Variants in ASIC2 observed in about 807,000 individuals in gnomAD.
ASIC2 encodes the protein acid sensing ion channel subunit 2, also known as acid-sensing ion channel 2.
A neutral mutation model predicts 57.3 loss-of-function variants in ASIC2; 25 were observed. The observed-to-expected ratio is 0.44, with a 90% CI of 0.32 to 0.61. ASIC2 has a LOEUF of 0.61. ASIC2 is among the 20% of genes least tolerant of loss of function. ASIC2 has a pLI of 0.06. For missense variants in ASIC2, 641 were observed against 738.1 expected, an observed-to-expected ratio of 0.87 and a Z score of 1.52; for synonymous variants, 319 against 307.5, an observed-to-expected ratio of 1.04 and a Z score of -0.39.
chr17:33,124,733 G>T (rs892228205), intron 1 of ASIC2, among the ~76,000 whole-genome samples: 2 of 152,156 alleles, frequency 1.3e-5, no homozygotes, highest in African/African-American at 4.8e-5. Context: ...GATGATTCAA[G>T]CACATGACAT....
rs576454651 is a variant in ASIC2, at chr17:33,095,846, G to A, written c.860-6856C>T. ...TTTAATCATGTGGCTTAATCCCTGG[G>A]GACCTGTTCATTAAGGCCCATCCTT... On this transcript the variant is annotated intron_variant, in intron 2 of 9. Coordinates refer to ENST00000225823, the MANE Select transcript of ASIC2 (RefSeq NM_183377.2). Among the ~76,000 whole-genome samples the A allele has an allele frequency of 5.8e-4, 88 of 152,348 alleles. 1 individual carries two copies. The East Asian group carries it at 0.016, about 28-fold the overall frequency.
intron 1 of ASIC2, among the ~76,000 whole-genome samples, chr17:33,769,353 G>A (rs1207667347): frequency 6.6e-6 from 1 of 152,188 alleles, no homozygotes; most frequent in Non-Finnish European, 1.5e-5. Flanking sequence ...TGTCAGCAGA[G>A]CAGCCAACTA....
At chr17:33,469,668 C>T (rs544276314) in intron 1 of ASIC2, among the ~76,000 whole-genome samples, 5 of 152,234 alleles carry the variant, frequency 3.3e-5, no homozygotes, top group African/African-American at 9.6e-5. Flanking sequence ...AACAAGAGCT[C>T]CTGGAATGAC....
intron 1 of ASIC2, among the ~76,000 whole-genome samples, chr17:33,444,741 TG>T (rs1377024827): frequency 3.3e-5 from 5 of 152,148 alleles, no homozygotes; most frequent in African/African-American, 1.2e-4. Context: ...TGTCAGCCTC[TG>T]GAAGAGAGCT....
At chr17:33,291,213 C>T (rs1905422640) in intron 1 of ASIC2, 195 bp downstream of exon 1, 1 of 1,259,902 alleles carries the variant, frequency 7.9e-7, no homozygotes. Context: ...GGCGACTCCT[C>T]CTACAGTTAA....
chr17:33,325,204 G>A (rs1199994268), intron 1 of ASIC2, among the ~76,000 whole-genome samples: 3 of 152,220 alleles, frequency 2.0e-5, no homozygotes, highest in Admixed American at 1.3e-4. Flanking sequence ...CAGACAATAA[G>A]CAGATATTCA....
At chr17:34,110,380 T>C (rs1239319070) in intron 1 of ASIC2, among the ~76,000 whole-genome samples, 2 of 152,160 alleles carry the variant, frequency 1.3e-5, no homozygotes, top group Non-Finnish European at 2.9e-5. Flanking sequence ...CTGCCTTCTG[T>C]GACTGCCCTA....
At chr17:33,524,878 C>T (rs1914842590) in intron 1 of ASIC2, among the ~76,000 whole-genome samples, 3 of 152,074 alleles carry the variant, frequency 2.0e-5, no homozygotes, top group Admixed American at 6.5e-5. Context: ...GGGCTTCCTC[C>T]CAGATGTATT....
At chr17:33,111,407 T>C (rs537599448) in intron 2 of ASIC2, among the ~76,000 whole-genome samples, 1 of 152,356 alleles carries the variant, frequency 6.6e-6, no homozygotes, top group African/African-American at 2.4e-5. Context: ...TCTATACACA[T>C]GGGTCTCCCA....
intron 1 of ASIC2, among the ~76,000 whole-genome samples, chr17:33,510,428 G>A (rs1479431477): frequency 6.6e-6 from 1 of 152,104 alleles, no homozygotes; most frequent in African/African-American, 2.4e-5. Flanking sequence ...AAGGGTGGGA[G>A]GATGGCTTGA....
intron 1 of ASIC2, among the ~76,000 whole-genome samples, chr17:33,805,360 G>T (rs1912240207): frequency 6.6e-6 from 1 of 152,154 alleles, no homozygotes; most frequent in African/African-American, 2.4e-5. Context: ...AGAAGGGGGA[G>T]TTTGGTCAAT....
At chr17:33,059,153 TTA>T (rs747861130) in intron 3 of ASIC2, among the ~76,000 whole-genome samples, 1 of 151,482 alleles carries the variant, frequency 6.6e-6, no homozygotes, top group Non-Finnish European at 1.5e-5. Context: ...CAGGATGTCT[TTA>T]TATATATATA....
intron 1 of ASIC2, among the ~76,000 whole-genome samples, chr17:33,171,219 C>A (rs1905509297): frequency 6.6e-6 from 1 of 152,210 alleles, no homozygotes; most frequent in African/African-American, 2.4e-5. Flanking sequence ...TTAATATTTT[C>A]TTCTACCCAG....
intron 1 of ASIC2, among the ~76,000 whole-genome samples, chr17:33,219,326 C>A (rs143278317): frequency 6.6e-6 from 1 of 152,334 alleles, no homozygotes; most frequent in East Asian, 1.9e-4. Context: ...CACATTACTT[C>A]ATATCTTACT....
Position 33,413,427 on chromosome 17 carries a change from C to G in ASIC2, c.556-301360G>C, listed in dbSNP as rs1291835191. 2.0e-5 allele frequency among the ~76,000 whole-genome samples: 3 copies of G among 152,190 alleles called. No homozygotes were observed. In the East Asian group the frequency reaches 5.8e-4, roughly 29 times the overall value. ...GGTCCGATTGCAGCCTGAATACAGT[C>G]AATTTTACCTCCTAACTATCTCTCC... On this transcript the variant is annotated intron_variant, in intron 1 of 9. Transcript: ENST00000359872.
chr17:33,760,248 T>C (rs1910740886), intron 1 of ASIC2, among the ~76,000 whole-genome samples: 1 of 152,170 alleles, frequency 6.6e-6, no homozygotes, highest in South Asian at 2.1e-4. Context: ...TTAGCGATTC[T>C]GCTGGAATGA....
chr17:33,646,319 G>T (rs976760503), intron 1 of ASIC2, among the ~76,000 whole-genome samples: 2 of 152,214 alleles, frequency 1.3e-5, no homozygotes, highest in Non-Finnish European at 2.9e-5. Context: ...ATAAGGAAAA[G>T]ATTGCATTGT....
intron 1 of ASIC2, among the ~76,000 whole-genome samples, chr17:33,456,495 T>C (rs1912457919): frequency 6.6e-6 from 1 of 152,248 alleles, no homozygotes; most frequent in Admixed American, 6.5e-5. Context: ...AATTCAAGGC[T>C]GCACCAGCTA....
intron 1 of ASIC2, among the ~76,000 whole-genome samples, chr17:34,100,183 TG>T (rs1567822059): frequency 1.1e-4 from 5 of 44,058 alleles, no homozygotes; most frequent in African/African-American, 3.2e-4. Context: ...CTCTCTTTCT[TG>T]TTTTTTTTTT....
Sources: gnomAD v4.1 joint callset for allele counts (sites outside exome capture counted in the v4.1 genomes callset) on GRCh38, gnomAD v4.1.1 for gene constraint, MANE v1.5 for transcripts, NCBI Gene and HGNC (gene_info 2026-07-23, HGNC 2026-07-21) for gene names.